Variants in MACROD2 observed in about 807,000 individuals in gnomAD.
MACROD2 encodes mono-ADP ribosylhydrolase 2, also known as ADP-ribose glycohydrolase MACROD2.
MACROD2 carries 36 observed loss-of-function variants against 70.4 expected under a neutral mutation model. That is an observed-to-expected ratio of 0.51 (90% CI 0.39 to 0.68). MACROD2 has a LOEUF of 0.68. MACROD2 is among the 30% of genes least tolerant of loss of function. The pLI is 0.00. For missense variants in MACROD2, 496 were observed against 538.4 expected (o/e 0.92, Z 0.78); for synonymous variants, 172 against 178.8 (o/e 0.96, Z 0.30).
At chr20:15,987,862 T>C (rs1406515783) in intron 15 of MACROD2, among the ~76,000 whole-genome samples, 1 of 152,208 alleles carries the variant, frequency 6.6e-6, no homozygotes, top group Non-Finnish European at 1.5e-5. Context: ...AAGCAATCTC[T>C]TAAAAGAAGC....
At chr20:15,326,954 C>G (rs1379586227) in intron 6 of MACROD2, among the ~76,000 whole-genome samples, 1 of 152,140 alleles carries the variant, frequency 6.6e-6, no homozygotes, top group Non-Finnish European at 1.5e-5. Flanking sequence ...GATGAAAATA[C>G]CTTTTCCACA....
At position 15,082,306 on chromosome 20, in the gene MACROD2, A is replaced by C. The variant is rs531293390; in HGVS notation, c.419-147634A>C. Among the ~76,000 whole-genome samples the C allele has an allele frequency of 1.9e-3, 289 of 152,272 alleles. 1 individual carries two copies. Among genetic ancestry groups the C allele is most frequent in the Middle Eastern group, 3.4e-3 (1 of 294 alleles). The stretch of plus-strand genomic sequence containing the variant: ...GGGAAGCCATTGGAGATCATTAAGA[A>C]ACAAACAAAAACTTTTATATGGTCA... On this transcript the variant is annotated intron_variant, in intron 5 of 17. Transcript: ENST00000684519.
chr20:15,028,526 A>C (rs983656526), intron 5 of MACROD2, among the ~76,000 whole-genome samples: 1 of 152,198 alleles, frequency 6.6e-6, no homozygotes, highest in Non-Finnish European at 1.5e-5. Context: ...TGTAACAATG[A>C]ATAGAAAGTG....
intron 3 of MACROD2, among the ~76,000 whole-genome samples, chr20:14,284,628 T>G (rs557890186): frequency 2.6e-5 from 4 of 152,368 alleles, no homozygotes; most frequent in African/African-American, 9.6e-5. Flanking sequence ...CTGCCACACC[T>G]TTGTACCGTG....
intron 5 of MACROD2, among the ~76,000 whole-genome samples, chr20:14,907,538 T>C (rs2073974044): frequency 6.6e-6 from 1 of 152,124 alleles, no homozygotes; most frequent in African/African-American, 2.4e-5. Flanking sequence ...CCGGGGGGAA[T>C]CAATGAGAAG....
intron 5 of MACROD2, among the ~76,000 whole-genome samples, chr20:15,074,057 T>G (rs1235778315): frequency 6.6e-6 from 1 of 152,178 alleles, no homozygotes; most frequent in African/African-American, 2.4e-5. Flanking sequence ...CGTATTCCAG[T>G]GATTGAAGTT....
intron 6 of MACROD2, among the ~76,000 whole-genome samples, chr20:15,317,334 A>G (rs1477702342): frequency 1.3e-5 from 2 of 152,064 alleles, no homozygotes; most frequent in Non-Finnish European, 2.9e-5. Context: ...TCATAAGAGA[A>G]TATTCGAACT....
intron 12 of MACROD2, among the ~76,000 whole-genome samples, chr20:15,945,417 C>T (rs1375830950): frequency 6.6e-6 from 1 of 152,168 alleles, no homozygotes; most frequent in Non-Finnish European, 1.5e-5. Context: ...CAACCATTCT[C>T]CTATGATAAA....
intron 3 of MACROD2, among the ~76,000 whole-genome samples, chr20:14,295,008 T>G (rs1399604668): frequency 1.3e-5 from 2 of 151,682 alleles, no homozygotes; most frequent in African/African-American, 4.9e-5. Context: ...ATCATCCAAC[T>G]TAGTAATTAT....
At chr20:15,132,353 A>G (rs1233110221) in intron 5 of MACROD2, among the ~76,000 whole-genome samples, 2 of 152,048 alleles carry the variant, frequency 1.3e-5, no homozygotes, top group Non-Finnish European at 2.9e-5. Context: ...AAAGGGTCTG[A>G]ATAAAATCGA....
chr20:14,845,005 T>C (rs1160626715), intron 5 of MACROD2, among the ~76,000 whole-genome samples: 8 of 152,232 alleles, frequency 5.3e-5, no homozygotes, highest in Admixed American at 2.0e-4. Flanking sequence ...ACAATCTAGC[T>C]GTTGAAATCT....
At chr20:14,815,939 C>T (rs193265233) in intron 5 of MACROD2, among the ~76,000 whole-genome samples, 154 of 152,056 alleles carry the variant, frequency 1.0e-3, no homozygotes, top group African/African-American at 3.6e-3. Flanking sequence ...TTCTATTTGA[C>T]TCTTCGTGTC....
At chr20:14,803,404 C>T (rs1396079223) in intron 5 of MACROD2, among the ~76,000 whole-genome samples, 2 of 152,166 alleles carry the variant, frequency 1.3e-5, no homozygotes, top group Middle Eastern at 3.4e-3. Flanking sequence ...TTTGTATATA[C>T]TCAGGTTAAG....
chr20:15,365,259 A>G (rs1300961837), intron 6 of MACROD2, among the ~76,000 whole-genome samples: 2 of 152,104 alleles, frequency 1.3e-5, no homozygotes, highest in East Asian at 3.8e-4. Context: ...ATATTGAAAG[A>G]TCTATGTAAA....
chr20:14,318,329 C>G lies in MACROD2; in HGVS notation c.272-175150C>G, dbSNP rs528830055. On this transcript the variant is annotated intron_variant, in intron 3 of 17. Transcript: ENST00000684519. ...ATCCCATTATCCCCAACTTCCACAC[C>G]CCCGTGGCTGCATGCTTCCTTTTGA... is the stretch of plus-strand genomic sequence containing the variant. Among the ~76,000 whole-genome samples the G allele has an allele frequency of 1.3e-4, 20 of 152,272 alleles. No individual in the cohort carries two copies. The South Asian group carries it at 3.7e-3, about 28-fold the overall frequency.
chr20:15,092,202 A>G (rs2075797646), intron 5 of MACROD2, among the ~76,000 whole-genome samples: 1 of 152,100 alleles, frequency 6.6e-6, no homozygotes, highest in South Asian at 2.1e-4. Flanking sequence ...GAGCAAATAG[A>G]TATAAATTAA....
At chr20:14,375,954 TAA>T (rs2122759840) in intron 3 of MACROD2, among the ~76,000 whole-genome samples, 1 of 152,310 alleles carries the variant, frequency 6.6e-6, no homozygotes, top group Admixed American at 6.5e-5. Flanking sequence ...TGTTTACACA[TAA>T]GAGTGTCCTG....
intron 6 of MACROD2, among the ~76,000 whole-genome samples, chr20:15,271,760 C>T (rs1019080975): frequency 6.6e-6 from 1 of 152,164 alleles, no homozygotes; most frequent in Non-Finnish European, 1.5e-5. Context: ...TGGTAGCAGG[C>T]AAGCTGATTT....
intron 5 of MACROD2, among the ~76,000 whole-genome samples, chr20:15,130,603 G>A (rs2076098020): frequency 1.3e-5 from 2 of 151,818 alleles, no homozygotes; most frequent in African/African-American, 4.8e-5. Context: ...ATGAAATTAG[G>A]GGATAAAAAA....
Sources: allele counts gnomAD v4.1 joint callset (sites outside exome capture counted in the v4.1 genomes callset), GRCh38; gene constraint gnomAD v4.1.1; transcripts MANE v1.5; gene names NCBI Gene and HGNC (gene_info 2026-07-23, HGNC 2026-07-21).